ASTN2: variants seen among roughly 807,000 people sequenced by gnomAD.
The protein encoded by ASTN2 is astrotactin-2.
A neutral mutation model predicts 139.8 loss-of-function variants in ASTN2; 54 were observed. That is an observed-to-expected ratio of 0.39 (90% CI 0.31 to 0.48). The LOEUF (loss-of-function observed/expected upper bound fraction) is 0.48. ASTN2 is among the 20% of genes least tolerant of loss of function. The pLI, the probability that ASTN2 is intolerant of heterozygous loss-of-function variation, is 0.95. For synonymous variants in ASTN2, 756 were observed against 719.5 expected, an observed-to-expected ratio of 1.05 and a Z score of -0.81; for missense variants, 1,565 against 1,725.1, an observed-to-expected ratio of 0.91 and a Z score of 1.64.
intron 1 of ASTN2, among the ~76,000 whole-genome samples, chr9:117,357,789 G>A (rs576846878): frequency 1.3e-5 from 2 of 152,048 alleles, no homozygotes; most frequent in Admixed American, 6.6e-5. Context: ...ATTTACAAAC[G>A]TTACTTCTCC....
At chr9:116,458,019 T>TA (rs954316127) in intron 20 of ASTN2, among the ~76,000 whole-genome samples, 4 of 151,260 alleles carry the variant, frequency 2.6e-5, no homozygotes, top group Non-Finnish European at 4.4e-5. Flanking sequence ...ATTCAGCCAT[T>TA]AAAAAAAATG....
intron 10 of ASTN2, among the ~76,000 whole-genome samples, chr9:116,865,928 A>G (rs1833003430): frequency 6.6e-6 from 1 of 152,216 alleles, no homozygotes; most frequent in African/African-American, 2.4e-5. Flanking sequence ...TATACCAGGC[A>G]CAATGCTAGG....
intron 3 of ASTN2, among the ~76,000 whole-genome samples, chr9:117,203,611 T>C (rs7020333): frequency 0.17 from 25,496 of 151,930 alleles, 2,357 homozygotes; most frequent in South Asian, 0.28. Context: ...CAGGTCCTTC[T>C]TCCGTAGAGC....
intron 1 of ASTN2, among the ~76,000 whole-genome samples, chr9:117,366,339 C>A (rs1829842733): frequency 6.6e-6 from 1 of 151,960 alleles, no homozygotes; most frequent in Admixed American, 6.6e-5. Flanking sequence ...ATGTACAGAT[C>A]CCTTTTACCT....
chr9:116,525,603 A>G (rs1272825855), intron 19 of ASTN2, among the ~76,000 whole-genome samples: 2 of 152,198 alleles, frequency 1.3e-5, no homozygotes, highest in Non-Finnish European at 2.9e-5. Flanking sequence ...TGGTCCATGA[A>G]TTTGAGTGAT....
chr9:117,291,902 G>A (rs1017943840), intron 1 of ASTN2, among the ~76,000 whole-genome samples: 10 of 152,200 alleles, frequency 6.6e-5, no homozygotes, highest in Admixed American at 3.9e-4. Context: ...AGTGGGAGTT[G>A]AGAGTGTGGA....
chr9:116,779,160 T>C (rs901552363), intron 13 of ASTN2, among the ~76,000 whole-genome samples: 2 of 152,160 alleles, frequency 1.3e-5, no homozygotes, highest in African/African-American at 4.8e-5. Flanking sequence ...CCAAAACTCA[T>C]GTGTTGCAAA....
chr9:116,964,762 T>G (rs889106348), intron 10 of ASTN2, among the ~76,000 whole-genome samples: 3 of 152,210 alleles, frequency 2.0e-5, no homozygotes, highest in African/African-American at 7.2e-5. Flanking sequence ...AGTACCTACA[T>G]GGAGGCCTTT....
At chr9:116,633,689 T>C (rs561967999) in intron 17 of ASTN2, among the ~76,000 whole-genome samples, 1 of 152,336 alleles carries the variant, frequency 6.6e-6, no homozygotes, top group African/African-American at 2.4e-5. Context: ...ATTTCATTTT[T>C]CCAGTACGCC....
chr9:116,492,690 G>A (rs1441900866), intron 19 of ASTN2, among the ~76,000 whole-genome samples: 9 of 152,192 alleles, frequency 5.9e-5, no homozygotes, highest in Admixed American at 5.9e-4. Flanking sequence ...CAACATGAAT[G>A]TGATATACAG....
At chr9:117,381,348 A>G (rs1047711090) in intron 1 of ASTN2, among the ~76,000 whole-genome samples, 1 of 152,148 alleles carries the variant, frequency 6.6e-6, no homozygotes, top group Non-Finnish European at 1.5e-5. Context: ...CTCATCCAAT[A>G]TGAGATACAT....
At chr9:116,753,346 A>T (rs2132157069) in intron 13 of ASTN2, among the ~76,000 whole-genome samples, 1 of 152,342 alleles carries the variant, frequency 6.6e-6, no homozygotes, top group East Asian at 1.9e-4. Flanking sequence ...CCAGGAGTTC[A>T]GGGAGAGAGG....
At chr9:116,782,254 T>C (rs1246034672) in intron 13 of ASTN2, among the ~76,000 whole-genome samples, 1 of 152,136 alleles carries the variant, frequency 6.6e-6, no homozygotes, top group Non-Finnish European at 1.5e-5. Context: ...TGTAGAAGAA[T>C]GAAGCGACAG....
intron 1 of ASTN2, among the ~76,000 whole-genome samples, chr9:117,412,995 C>T (rs1588024855): frequency 1.3e-5 from 2 of 152,130 alleles, no homozygotes; most frequent in Admixed American, 1.3e-4. Context: ...CCAGAAGCGC[C>T]GCCGCGGGGA....
chr9:116,842,778 G>A (rs1398989304), intron 11 of ASTN2, among the ~76,000 whole-genome samples: 1 of 151,924 alleles, frequency 6.6e-6, no homozygotes, highest in Admixed American at 6.6e-5. Flanking sequence ...GGATTACAGG[G>A]ATCAATAGTC....
intron 19 of ASTN2, chr9:116,583,324 C>A (rs1263640547): frequency 6.6e-6 from 1 of 152,172 alleles, no homozygotes; most frequent in Non-Finnish European, 1.5e-5. Flanking sequence ...AAATTGCTGG[C>A]TACACACTAC....
intron 5 of ASTN2, among the ~76,000 whole-genome samples, chr9:117,086,676 G>A (rs769550486): frequency 3.3e-5 from 5 of 152,036 alleles, no homozygotes; most frequent in African/African-American, 1.2e-4. Flanking sequence ...CTCACCCAGC[G>A]CTTTCTCCCC....
At chr9:117,345,515 ATGACGATCTTGCCCAAGG>A (rs1188972850) in intron 1 of ASTN2, among the ~76,000 whole-genome samples, 2 of 152,300 alleles carry the variant, frequency 1.3e-5, no homozygotes, top group Admixed American at 1.3e-4. Context: ...GCTCAAAGAG[ATGACGATCTTGCCCAAGG>A]TCACACAGCT....
intron 10 of ASTN2, among the ~76,000 whole-genome samples, chr9:116,951,392 T>C (rs1835558706): frequency 7.3e-6 from 1 of 136,854 alleles, no homozygotes; most frequent in Admixed American, 7.5e-5. Flanking sequence ...GATACTGCCA[T>C]GTATGAGCCC....
Sources: allele counts gnomAD v4.1 joint callset (sites outside exome capture counted in the v4.1 genomes callset), GRCh38; gene constraint gnomAD v4.1.1; transcripts MANE v1.5; gene names NCBI Gene and HGNC (gene_info 2026-07-23, HGNC 2026-07-21).